Variants in ATP11B observed in about 807,000 individuals in gnomAD.
ATP11B encodes the protein ATPase phospholipid transporting 11B (putative), also known as phospholipid-transporting ATPase IF.
In ATP11B, 81 loss-of-function variants were observed where a neutral mutation model predicts 157.8. The ratio of observed to expected loss-of-function variants is 0.51; its 90% CI spans 0.43 to 0.62. ATP11B has a LOEUF of 0.62. Ranked by LOEUF, ATP11B falls within the 20% of genes least tolerant of loss-of-function variation. ATP11B has a pLI of 0.00. For missense variants in ATP11B, 1,165 were observed against 1,402.2 expected (o/e 0.83, Z 2.70); for synonymous variants, 451 against 469.4 (o/e 0.96, Z 0.51).
rs1560097704 is a variant in ATP11B, at chr3:182,865,447, T to C, written c.1201-9T>C. 1 of 1,607,458 alleles carries C rather than the reference T, an allele frequency of 6.2e-7. No homozygotes were observed. Among genetic ancestry groups the C allele is most frequent in the Non-Finnish European group, 8.5e-7 (1 of 1,177,272 alleles). ...AAGGTTTATTTTCTTTTGTTTTCTATCTCTATAGGTAGAGTACGTGTTTAC... is the reference window on the plus strand; with the variant it reads ...AAGGTTTATTTTCTTTTGTTTTCTACCTCTATAGGTAGAGTACGTGTTTAC... On this transcript the variant is annotated splice_polypyrimidine_tract_variant and intron_variant, in intron 12 of 29. Transcript: ENST00000323116.
intron 17 of ATP11B, among the ~76,000 whole-genome samples, chr3:182,871,465 C>T (rs924271682): frequency 6.6e-6 from 1 of 152,132 alleles, no homozygotes; most frequent in African/African-American, 2.4e-5. Flanking sequence ...TTCCAATTCA[C>T]TGGTGAAGAT....
At chr3:182,870,725 G>A (rs1362514013) in intron 17 of ATP11B, among the ~76,000 whole-genome samples, 1 of 152,052 alleles carries the variant, frequency 6.6e-6, no homozygotes, top group Non-Finnish European at 1.5e-5. Context: ...TGTAATCCCA[G>A]CACTTTGGGA....
intron 25 of ATP11B, among the ~76,000 whole-genome samples, chr3:182,893,845 C>A (rs1723338934): frequency 6.6e-6 from 1 of 152,130 alleles, no homozygotes; most frequent in South Asian, 2.1e-4. Context: ...ACATGCATGC[C>A]AACATCTATT....
At chr3:182,803,313 G>C (rs180725587) in intron 1 of ATP11B, among the ~76,000 whole-genome samples, 1 of 152,200 alleles carries the variant, frequency 6.6e-6, no homozygotes, top group East Asian at 1.9e-4. Flanking sequence ...TTGCTGGTGA[G>C]ATGCAGGTAT....
Position 182,898,750 on chromosome 3 carries a change from C to T in ATP11B, c.3296C>T (p.Pro1099Leu), listed in dbSNP as rs1247981474. 6.4e-7 allele frequency: 1 copy of T among 1,559,474 alleles called. No individual in the cohort carries two copies. The highest frequency in any genetic ancestry group is 8.7e-7 in the Non-Finnish European group (1 of 1,154,848). The change falls in exon 28 of 30, where the codon CCT (proline) becomes CTT (leucine). Residue 1099 changes from proline (P) to leucine (L), a missense_variant. Pro to Leu is a moderately conservative substitution (Grantham distance 98). Coordinates refer to ENST00000323116, the MANE Select transcript of ATP11B (RefSeq NM_014616.3). ...IKKVFDRHLH[P>L]TSTEKAQLTE... ...AAGGTCTTTGACCGACACCTCCACC[C>T]TACAAGTACTGAAAAGGCACAGGTA...
intron 20 of ATP11B, among the ~76,000 whole-genome samples, chr3:182,879,874 A>G (rs1722300370): frequency 6.6e-6 from 1 of 152,228 alleles, no homozygotes; most frequent in African/African-American, 2.4e-5. Context: ...TGTGATGAGT[A>G]GCAGTTTGTG....
chr3:182,859,850 A>T (rs1268016809), intron 12 of ATP11B, among the ~76,000 whole-genome samples: 1 of 151,190 alleles, frequency 6.6e-6, no homozygotes, highest in Admixed American at 6.6e-5. Flanking sequence ...CTCAATTTCC[A>T]TGTGCCACAA....
chr3:182,914,272 AGT>A, intron 29 of ATP11B: 1 of 1,185,854 alleles, frequency 8.4e-7, no homozygotes, highest in Non-Finnish European at 1.0e-6. Context: ...GCTCAGTAGG[AGT>A]GTGTTTATGG....
chr3:182,828,223 C>T lies in ATP11B; in HGVS notation c.234+14C>T. The T allele has an allele frequency of 8.1e-7, 1 of 1,230,252 alleles. No homozygotes were observed. Among genetic ancestry groups the T allele is most frequent in the East Asian group, 2.5e-5 (1 of 39,658 alleles). The allele number at this position is 1,230,252 out of a possible 1,614,324, so 76.2% of individuals were successfully genotyped here. On this transcript the variant is annotated intron_variant, in intron 3 of 29. Coordinates refer to ENST00000323116, the MANE Select transcript of ATP11B (RefSeq NM_014616.3). Reference sequence around the variant, plus strand: ...TTTTTGGTTCAGGTAAGCTTTATTACTCAATCTTAAGTTTGTAAACATAGT... The same window carrying T: ...TTTTTGGTTCAGGTAAGCTTTATTATTCAATCTTAAGTTTGTAAACATAGT...
At chr3:182,893,683 C>G (rs1723327954) in intron 25 of ATP11B, among the ~76,000 whole-genome samples, 1 of 152,140 alleles carries the variant, frequency 6.6e-6, no homozygotes, top group African/African-American at 2.4e-5. Flanking sequence ...TGTATAATGA[C>G]TTCTTTTCCT....
intron 13 of ATP11B, 129 bp from the exon 14 acceptor site, chr3:182,866,139 C>A: frequency 1.5e-6 from 1 of 669,110 alleles, no homozygotes; most frequent in Non-Finnish European, 2.3e-6. Context: ...AAGGCAGAAA[C>A]AACCAACTGT....
At position 182,866,474 on chromosome 3, in the gene ATP11B, A is replaced by G. The variant is rs749599711; in HGVS notation, c.1619+31A>G. 2.1e-6 allele frequency: 3 copies of G among 1,462,094 alleles called. No homozygotes were observed. The African/African-American group carries it at 4.3e-5, about 21-fold the overall frequency. 90.6% of individuals were successfully genotyped at this position (1,462,094 alleles called of 1,614,324 possible). ...TTAGTCTGATTTCCAAATCTTCGGA[A>G]AAACACCATTTAAATAAATGTAACA... On this transcript the variant is annotated intron_variant, in intron 14 of 29. Transcript: ENST00000323116.
At chr3:182,842,009 G>T in intron 7 of ATP11B, 66 bp from the exon 8 acceptor site, 1 of 1,032,516 alleles carries the variant, frequency 9.7e-7, no homozygotes, top group Non-Finnish European at 1.4e-6. Context: ...AAAGGATGGT[G>T]CAAAAAAACA....
At chr3:182,850,489 C>CA (rs1026069899) in intron 10 of ATP11B, among the ~76,000 whole-genome samples, 19 of 149,678 alleles carry the variant, frequency 1.3e-4, no homozygotes, top group Admixed American at 3.3e-4. Flanking sequence ...CAAAACAAAA[C>CA]AAAAAAAAAG....
chr3:182,859,151 C>T lies in ATP11B; in HGVS notation c.1003-11C>T. On this transcript the variant is annotated splice_polypyrimidine_tract_variant and intron_variant, in intron 11 of 29. Transcript: ENST00000323116. ...TTTTTTCTTTTCAAACAATTATTTC[C>T]TTTTTTCTAGATTCTGAGATTTATT... 6.3e-7 allele frequency: 1 copy of T among 1,576,698 alleles called. No individual in the cohort carries two copies. Among genetic ancestry groups the T allele is most frequent in the Non-Finnish European group, 8.6e-7 (1 of 1,158,468 alleles).
At chr3:182,823,924 A>G (rs895028244) in intron 2 of ATP11B, among the ~76,000 whole-genome samples, 3 of 152,140 alleles carry the variant, frequency 2.0e-5, no homozygotes, top group Non-Finnish European at 2.9e-5. Flanking sequence ...GACCACCGCC[A>G]TAATCAAGAT....
intron 12 of ATP11B, among the ~76,000 whole-genome samples, chr3:182,862,140 C>T (rs541145573): frequency 1.8e-4 from 28 of 151,844 alleles, no homozygotes; most frequent in South Asian, 8.3e-4. Context: ...ATTAGCTGGG[C>T]GCAGTGGTGT....
intron 12 of ATP11B, among the ~76,000 whole-genome samples, chr3:182,863,596 A>G (rs1395484973): frequency 1.3e-5 from 2 of 152,016 alleles, no homozygotes; most frequent in African/African-American, 4.8e-5. Context: ...ACTTTATTTC[A>G]TATTCTTCTG....
chr3:182,899,373 G>A (rs576942149), intron 28 of ATP11B, among the ~76,000 whole-genome samples: 82 of 151,798 alleles, frequency 5.4e-4, no homozygotes, highest in African/African-American at 1.9e-3. Context: ...GACTGGTCTC[G>A]ATCCCCTGAC....
Sources: allele counts gnomAD v4.1 joint callset (sites outside exome capture counted in the v4.1 genomes callset), GRCh38; gene constraint gnomAD v4.1.1; transcripts MANE v1.5; gene names NCBI Gene and HGNC (gene_info 2026-07-23, HGNC 2026-07-21).